The following TMEM132B variants were observed in gnomAD, a reference collection of about 807,000 sequenced individuals.
TMEM132B encodes transmembrane protein 132B.
A neutral mutation model predicts 90.8 loss-of-function variants in TMEM132B; 18 were observed. The observed-to-expected ratio is 0.20, with a 90% confidence interval of 0.14 to 0.29. The LOEUF (loss-of-function observed/expected upper bound fraction) is 0.29. TMEM132B is among the 10% of genes least tolerant of loss of function. TMEM132B has a pLI of 1.00. For missense variants in TMEM132B, 1,096 were observed against 1,326.8 expected, an observed-to-expected ratio of 0.83 and a Z score of 2.70; for synonymous variants, 504 against 523.3, an observed-to-expected ratio of 0.96 and a Z score of 0.50.
At chr12:125,575,057 C>CATATATATAT (rs147688714) in intron 4 of TMEM132B, among the ~76,000 whole-genome samples, 508 of 43,872 alleles carry the variant, frequency 0.012, 76 homozygotes, top group East Asian at 0.023. Context: ...TATTAGCTGT[C>CATATATATAT]ATATATATAT....
At chr12:125,584,044 C>T (rs755251750) in intron 5 of TMEM132B, 50 bp downstream of exon 5, 27 of 1,612,388 alleles carry the variant, frequency 1.7e-5, no homozygotes, top group African/African-American at 4.0e-5. Context: ...AGCTTTTTGT[C>T]GTTCCTTCTT....
At chr12:125,206,834 G>A (rs531040381) in intron 1 of TMEM132B, among the ~76,000 whole-genome samples, 2 of 152,346 alleles carry the variant, frequency 1.3e-5, no homozygotes, top group Admixed American at 1.3e-4. Context: ...TGAGAAACTT[G>A]AATTAGAATA....
At chr12:125,187,066 C>T (rs558738306) in intron 1 of TMEM132B, among the ~76,000 whole-genome samples, 200 bp downstream of exon 1, 2 of 152,318 alleles carry the variant, frequency 1.3e-5, no homozygotes, top group South Asian at 4.1e-4. Context: ...GCCTTCTCCC[C>T]CAAACCCTTA....
At chr12:125,324,764 G>A (rs575480642) in intron 1 of TMEM132B, among the ~76,000 whole-genome samples, 131 of 152,268 alleles carry the variant, frequency 8.6e-4, no homozygotes, top group Non-Finnish European at 1.6e-3. Context: ...CATGAAACTG[G>A]TCTCTGGTGC....
At position 125,209,796 on chromosome 12, in the gene TMEM132B, G is replaced by A. The variant is rs1459105536; in HGVS notation, c.67+22930G>A. On this transcript the variant is annotated intron_variant, in intron 1 of 8. Coordinates refer to ENST00000682704, the MANE Select transcript of TMEM132B (RefSeq NM_001366854.1). This position sits in a 1 kb window ranked among gnomAD's most constrained non-coding sequence, Gnocchi z 4.4. ...GAACACAATGACACCAGTTGTACCG[G>A]TATAGTCTCTCCTTGTGGAACATGA... Among the ~76,000 whole-genome samples the A allele has an allele frequency of 6.6e-6, 1 of 152,186 alleles. No individual in the cohort carries two copies. The highest frequency in any genetic ancestry group is 2.4e-5 in the African/African-American group (1 of 41,440).
At chr12:125,644,399 G>T in intron 6 of TMEM132B, 118 bp downstream of exon 6, 1 of 1,138,600 alleles carries the variant, frequency 8.8e-7, no homozygotes, top group Non-Finnish European at 1.2e-6. Context: ...AGCGGGAAGC[G>T]TGGTCTGGGC....
chr12:125,391,039 T>TTG (rs776555734), intron 2 of TMEM132B, among the ~76,000 whole-genome samples: 159 of 143,638 alleles, frequency 1.1e-3, no homozygotes, highest in Middle Eastern at 3.7e-3. Flanking sequence ...TACTAAAGAA[T>TTG]AGTGTGTGTG....
intron 1 of TMEM132B, among the ~76,000 whole-genome samples, chr12:125,341,969 G>C (rs537815666): frequency 6.6e-6 from 1 of 152,246 alleles, no homozygotes; most frequent in East Asian, 1.9e-4. Context: ...TCACTCAAAT[G>C]TGTCCAAACT....
intron 1 of TMEM132B, among the ~76,000 whole-genome samples, chr12:125,267,132 G>T (rs181576214): frequency 1.3e-5 from 2 of 152,248 alleles, no homozygotes; most frequent in East Asian, 3.9e-4. Flanking sequence ...AGAAAAGACC[G>T]TTTTTTCCCT....
intron 2 of TMEM132B, among the ~76,000 whole-genome samples, chr12:125,363,188 A>C (rs775645385): frequency 2.0e-4 from 31 of 152,174 alleles, no homozygotes; most frequent in Non-Finnish European, 4.4e-4. Flanking sequence ...TTTTAAACTT[A>C]AGTGTAAATA....
chr12:125,532,112 G>A (rs1231897755), intron 4 of TMEM132B, among the ~76,000 whole-genome samples: 1 of 152,204 alleles, frequency 6.6e-6, no homozygotes, highest in Non-Finnish European at 1.5e-5. Context: ...GGAAAGGAAG[G>A]GAAAAGCCCA....
intron 1 of TMEM132B, among the ~76,000 whole-genome samples, chr12:125,347,771 T>A (rs7953013): frequency 0.31 from 46,924 of 152,080 alleles, 7,450 homozygotes; most frequent in Admixed American, 0.39. Flanking sequence ...TTGCTGACCC[T>A]GGTTCCTGGT....
chr12:125,336,559 C>T (rs1288484832), intron 1 of TMEM132B, among the ~76,000 whole-genome samples: 2 of 152,156 alleles, frequency 1.3e-5, no homozygotes, highest in Non-Finnish European at 2.9e-5. Context: ...GAATCATTTT[C>T]GATTTCAGTA....
Position 125,513,742 on chromosome 12 carries a change from G to C in TMEM132B, c.1107-5697G>C, listed in dbSNP as rs544406788. On this transcript the variant is annotated intron_variant, in intron 3 of 8. Transcript: ENST00000682704. ...TCTTACTCCAGAACGCCCTTCCACT[G>C]TCTTCTGTTGTAATTTATATTCTAT... 1.8e-3 allele frequency among the ~76,000 whole-genome samples: 273 copies of C among 152,220 alleles called. 1 individual carries two copies. Among genetic ancestry groups the C allele is most frequent in the Middle Eastern group, 3.4e-3 (1 of 294 alleles).
At position 125,655,285 on chromosome 12, in the gene TMEM132B, T is replaced by G. The variant is rs548826593; in HGVS notation, c.*575T>G. On this transcript the variant is annotated 3_prime_UTR_variant, in exon 9 of 9. Transcript: ENST00000682704. ...GTCTTTTCCTTGAGCTCTGTTTGAT[T>G]TACACATGAGTTTTCTTCCCTGGGA... 1 of 152,468 alleles carries G rather than the reference T, an allele frequency of 6.6e-6. No homozygotes were observed. Among genetic ancestry groups the G allele is most frequent in the South Asian group, 2.1e-4 (1 of 4,828 alleles). 9.4% of individuals were successfully genotyped at this position (152,468 alleles called of 1,614,324 possible). A position where few individuals can be genotyped will look rare whatever the true frequency, so the allele number is the denominator to read the frequency against.
At chr12:125,216,038 G>A (rs1873430618) in intron 1 of TMEM132B, among the ~76,000 whole-genome samples, 1 of 152,246 alleles carries the variant, frequency 6.6e-6, no homozygotes, top group South Asian at 2.1e-4. Context: ...GAATCTCTCT[G>A]CTCTTTGGCC....
At position 125,295,292 on chromosome 12, in the gene TMEM132B, C is replaced by T. The variant is rs73233344; in HGVS notation, c.68-54160C>T. On this transcript the variant is annotated intron_variant, in intron 1 of 8. Coordinates refer to ENST00000682704, the MANE Select transcript of TMEM132B (RefSeq NM_001366854.1). Reference sequence around the variant, plus strand: ...CACAGAGCTCTGGGTGGGGCCCCTTCTTCCAGCCAGGGATCTATGAGATGT... The same window carrying T: ...CACAGAGCTCTGGGTGGGGCCCCTTTTTCCAGCCAGGGATCTATGAGATGT... Among the ~76,000 whole-genome samples, 1,329 of 152,304 alleles carry T rather than the reference C, an allele frequency of 8.7e-3. 20 individuals carry two copies. The highest frequency in any genetic ancestry group is 0.015 in the Non-Finnish European group (1,006 of 68,024).
chr12:125,569,216 C>T (rs769686558), intron 4 of TMEM132B, among the ~76,000 whole-genome samples: 4 of 152,068 alleles, frequency 2.6e-5, no homozygotes, highest in Non-Finnish European at 5.9e-5. Context: ...CTGGCATTTC[C>T]CCCAGTCACT....
Position 125,633,236 on chromosome 12 carries a change from A to G in TMEM132B, c.1438-10840A>G, listed in dbSNP as rs952777743. Among the ~76,000 whole-genome samples, 12 of 152,126 alleles carry G rather than the reference A, an allele frequency of 7.9e-5. 1 individual carries two copies. In the South Asian group the frequency reaches 1.2e-3, roughly 16 times the overall value. On this transcript the variant is annotated intron_variant, in intron 5 of 8. Transcript: ENST00000682704. The stretch of plus-strand genomic sequence containing the variant: ...GACTGGTGCGTTCTTCAGTATGTCA[A>G]TTGCATTTTTCAGCTCAAGAATTTC...
Sources: allele counts gnomAD v4.1 joint callset (sites outside exome capture counted in the v4.1 genomes callset), GRCh38; gene constraint gnomAD v4.1.1; non-coding constraint Gnocchi (gnomAD v3.1); transcripts MANE v1.5; gene names NCBI Gene and HGNC (gene_info 2026-07-23, HGNC 2026-07-21).